The following ARHGAP10 variants were observed in gnomAD, a reference collection of about 807,000 sequenced individuals.
ARHGAP10 encodes the protein rho GTPase-activating protein 10.
In ARHGAP10, 87 loss-of-function variants were observed where a neutral mutation model predicts 108.6. That is an observed-to-expected ratio of 0.80 (90% CI 0.67 to 0.96). The LOEUF is 0.96. Ranked by LOEUF, ARHGAP10 falls within the 40% of genes least tolerant of loss-of-function variation. ARHGAP10 has a pLI of 0.00. For missense variants in ARHGAP10, 939 were observed against 954.5 expected (o/e 0.98, Z 0.21); for synonymous variants, 347 against 341.1 (o/e 1.02, Z -0.19).
At chr4:147,742,766 T>C (rs1293253310) in intron 1 of ARHGAP10, among the ~76,000 whole-genome samples, 1 of 152,108 alleles carries the variant, frequency 6.6e-6, no homozygotes, top group Non-Finnish European at 1.5e-5. Flanking sequence ...ATTACAGGCA[T>C]GAGCCACTGT....
chr4:147,791,479 T>G (rs1258167586), intron 1 of ARHGAP10, among the ~76,000 whole-genome samples: 1 of 152,208 alleles, frequency 6.6e-6, no homozygotes, highest in African/African-American at 2.4e-5. Flanking sequence ...TGTAGTTCTT[T>G]TTTAAAAACC....
intron 18 of ARHGAP10, among the ~76,000 whole-genome samples, chr4:148,016,570 A>G (rs1213768006): frequency 1.3e-5 from 2 of 152,196 alleles, no homozygotes; most frequent in Non-Finnish European, 2.9e-5. Flanking sequence ...TAACACAACA[A>G]TCAACACAGA....
At chr4:147,940,311 C>T (rs1275506283) in intron 14 of ARHGAP10, among the ~76,000 whole-genome samples, 1 of 152,152 alleles carries the variant, frequency 6.6e-6, no homozygotes, top group Non-Finnish European at 1.5e-5. Flanking sequence ...GGGTCTGATT[C>T]TCAGGGATTC....
At chr4:148,004,113 C>T (rs1411316263) in intron 18 of ARHGAP10, among the ~76,000 whole-genome samples, 1 of 152,182 alleles carries the variant, frequency 6.6e-6, no homozygotes, top group Admixed American at 6.5e-5. Context: ...CCTGTAATTC[C>T]AGCTACTCAG....
chr4:147,741,151 GTA>G (rs1377653071), intron 1 of ARHGAP10, among the ~76,000 whole-genome samples: 1 of 152,118 alleles, frequency 6.6e-6, no homozygotes, highest in Non-Finnish European at 1.5e-5. Flanking sequence ...CTATGATGAT[GTA>G]CCTTCTACCT....
chr4:147,768,360 G>A (rs11099669), intron 1 of ARHGAP10, among the ~76,000 whole-genome samples: 113,273 of 152,078 alleles, frequency 0.74, 48,091 homozygotes, highest in Non-Finnish European at 0.93. Flanking sequence ...TGATAAGAAC[G>A]TACTAGTGGT....
chr4:147,752,100 G>C (rs1023153232), intron 1 of ARHGAP10, among the ~76,000 whole-genome samples: 1 of 152,040 alleles, frequency 6.6e-6, no homozygotes, highest in Non-Finnish European at 1.5e-5. Context: ...GGCCAGGATG[G>C]TCTTGATCTC....
At chr4:147,848,277 TATTAC>T (rs755113672) in intron 4 of ARHGAP10, among the ~76,000 whole-genome samples, 26 of 152,196 alleles carry the variant, frequency 1.7e-4, no homozygotes, top group Non-Finnish European at 2.8e-4. Flanking sequence ...TGGCATACCG[TATTAC>T]AGTTTTTAAT....
At chr4:147,844,509 C>A (rs536338575) in intron 3 of ARHGAP10, among the ~76,000 whole-genome samples, 3 of 152,276 alleles carry the variant, frequency 2.0e-5, no homozygotes, top group Non-Finnish European at 4.4e-5. Flanking sequence ...CTGGTAACAA[C>A]CCTTCTACTC....
chr4:147,751,161 C>T (rs546195551), intron 1 of ARHGAP10, among the ~76,000 whole-genome samples: 5 of 151,484 alleles, frequency 3.3e-5, no homozygotes, highest in African/African-American at 1.2e-4. Flanking sequence ...CCTGGGCAAC[C>T]GAGTGAGACG....
chr4:147,876,427 C>G (rs1735061332), intron 8 of ARHGAP10, among the ~76,000 whole-genome samples: 1 of 152,024 alleles, frequency 6.6e-6, no homozygotes, highest in African/African-American at 2.4e-5. Context: ...CCTGTCTCTA[C>G]TAAAAAATAC....
intron 18 of ARHGAP10, among the ~76,000 whole-genome samples, chr4:147,968,865 G>C (rs934219603): frequency 3.9e-5 from 6 of 152,196 alleles, no homozygotes; most frequent in African/African-American, 1.4e-4. Flanking sequence ...GAATATTCCA[G>C]CTCCTGTGGG....
At chr4:147,749,433 G>C (rs545550377) in intron 1 of ARHGAP10, among the ~76,000 whole-genome samples, 1 of 152,136 alleles carries the variant, frequency 6.6e-6, no homozygotes, top group African/African-American at 2.4e-5. Flanking sequence ...AAGAAACAAA[G>C]CATTGTTAAG....
chr4:147,972,652 G>A (rs114453038), intron 18 of ARHGAP10, among the ~76,000 whole-genome samples: 1,589 of 152,288 alleles, frequency 0.01, 20 homozygotes, highest in South Asian at 0.027. Context: ...CTAGGGCCTT[G>A]TCAAGGATGC....
At chr4:147,864,608 T>C in intron 5 of ARHGAP10, 2 of 385,906 alleles carry the variant, frequency 5.2e-6, no homozygotes, top group Non-Finnish European at 9.3e-6. Context: ...ATAGTAAATA[T>C]TTTAGACTTC....
At chr4:148,000,122 G>A (rs1740643562) in intron 18 of ARHGAP10, among the ~76,000 whole-genome samples, 1 of 151,680 alleles carries the variant, frequency 6.6e-6, no homozygotes, top group African/African-American at 2.4e-5. Context: ...TCCCCTTCCT[G>A]TGTCCAAGTG....
chr4:147,909,945 G>A (rs982062603), intron 12 of ARHGAP10, among the ~76,000 whole-genome samples, 168 bp downstream of exon 12: 2 of 152,142 alleles, frequency 1.3e-5, no homozygotes, highest in South Asian at 2.1e-4. Flanking sequence ...TTTACTCAAC[G>A]GGGACCTCCT....
chr4:147,821,287 G>A (rs1366060031), intron 1 of ARHGAP10, among the ~76,000 whole-genome samples: 4 of 152,228 alleles, frequency 2.6e-5, no homozygotes, highest in Admixed American at 2.6e-4. Flanking sequence ...GGTTCAAGGG[G>A]TGGGAAATAG....
At chr4:147,734,100 CTT>C (rs1728331190) in intron 1 of ARHGAP10, among the ~76,000 whole-genome samples, 1 of 152,080 alleles carries the variant, frequency 6.6e-6, no homozygotes, top group Non-Finnish European at 1.5e-5. Context: ...ACTGAGGACT[CTT>C]TCTGTAACTT....
Sources: gnomAD v4.1 joint callset for allele counts (sites outside exome capture counted in the v4.1 genomes callset) on GRCh38, gnomAD v4.1.1 for gene constraint, MANE v1.5 for transcripts, NCBI Gene and HGNC (gene_info 2026-07-23, HGNC 2026-07-21) for gene names.